Variants in SPAG16 observed in about 807,000 individuals in gnomAD.
SPAG16 encodes sperm associated antigen 16.
In SPAG16, 86 loss-of-function variants were observed where a neutral mutation model predicts 80.4. That is an observed-to-expected ratio of 1.07 (90% CI 0.90 to 1.28). The LOEUF (loss-of-function observed/expected upper bound fraction) is 1.28, where lower values mean the gene tolerates loss of function less well. Ranked by LOEUF, SPAG16 falls within the 50% of genes most tolerant of loss-of-function variation. The pLI, the probability that SPAG16 is intolerant of heterozygous loss-of-function variation, is 0.00. For synonymous variants in SPAG16, 294 were observed against 265.9 expected (o/e 1.11, Z -1.03); for missense variants, 870 against 765.3 (o/e 1.14, Z -1.61).
At chr2:214,104,884 C>T (rs11885590) in intron 13 of SPAG16, among the ~76,000 whole-genome samples, 13,300 of 152,008 alleles carry the variant, frequency 0.087, 765 homozygotes, top group East Asian at 0.29. Context: ...TCACTGCCCA[C>T]TACCACTGTG....
intron 10 of SPAG16, among the ~76,000 whole-genome samples, chr2:213,545,565 T>C (rs2076584865): frequency 6.6e-6 from 1 of 151,772 alleles, no homozygotes; most frequent in Non-Finnish European, 1.5e-5. Context: ...TTTTCTGTTA[T>C]GCTATCTTCT....
chr2:214,286,406 T>C (rs1342867941), intron 15 of SPAG16, among the ~76,000 whole-genome samples: 2 of 152,154 alleles, frequency 1.3e-5, no homozygotes, highest in Non-Finnish European at 2.9e-5. Flanking sequence ...CCAAAATCCA[T>C]GTAAAACCCC....
chr2:214,328,369 G>T (rs1401205619), intron 15 of SPAG16, among the ~76,000 whole-genome samples: 2 of 152,040 alleles, frequency 1.3e-5, no homozygotes, highest in Non-Finnish European at 2.9e-5. Context: ...CGCTCTGTTG[G>T]CCAGGTCGGT....
At chr2:214,285,479 C>A (rs76032512) in intron 15 of SPAG16, among the ~76,000 whole-genome samples, 3,069 of 152,092 alleles carry the variant, frequency 0.02, 112 homozygotes, top group African/African-American at 0.07. Context: ...AGATGAAAAA[C>A]TAACGAAACC....
At chr2:214,057,444 C>T (rs955988844) in intron 13 of SPAG16, among the ~76,000 whole-genome samples, 4 of 151,996 alleles carry the variant, frequency 2.6e-5, no homozygotes, top group Non-Finnish European at 4.4e-5. Context: ...TAGGTCTTAA[C>T]GGTGGGCTTA....
chr2:214,348,871 C>A (rs1390328281), intron 15 of SPAG16, among the ~76,000 whole-genome samples: 2 of 152,164 alleles, frequency 1.3e-5, no homozygotes, highest in African/African-American at 4.8e-5. Flanking sequence ...CAGTTTGTTA[C>A]ACAGTGATAC....
intron 9 of SPAG16, among the ~76,000 whole-genome samples, chr2:213,428,309 T>C (rs114756201): frequency 0.015 from 2,215 of 152,200 alleles, 24 homozygotes; most frequent in South Asian, 0.038. Context: ...TGTGAGAGAA[T>C]ACCTTGCCCT....
chr2:213,285,821 A>G, intron 1 of SPAG16: 1 of 1,031,150 alleles, frequency 9.7e-7, no homozygotes, highest in Non-Finnish European at 1.3e-6. Context: ...GTTTTCGTAG[A>G]TGTAACAGGC....
intron 11 of SPAG16, among the ~76,000 whole-genome samples, chr2:213,913,648 C>T: frequency 4.9e-5 from 1 of 20,448 alleles, no homozygotes; most frequent in Non-Finnish European, 1.7e-4. Flanking sequence ...TGTATATGTA[C>T]ATGTACATAT....
chr2:213,793,222 G>A (rs952337529), intron 10 of SPAG16, among the ~76,000 whole-genome samples: 6 of 151,618 alleles, frequency 4.0e-5, no homozygotes, highest in South Asian at 2.1e-4. Context: ...GCCACCGCGC[G>A]GCCTTATCTA....
chr2:214,148,775 G>GTA (rs2055797597), intron 14 of SPAG16, among the ~76,000 whole-genome samples: 1 of 151,810 alleles, frequency 6.6e-6, no homozygotes, highest in African/African-American at 2.4e-5. Context: ...TATGATATAT[G>GTA]TATATATATG....
At chr2:213,742,320 A>C (rs2067591656) in intron 10 of SPAG16, among the ~76,000 whole-genome samples, 1 of 152,162 alleles carries the variant, frequency 6.6e-6, no homozygotes. Context: ...CAAGAATACA[A>C]GGACATTAGT....
intron 13 of SPAG16, among the ~76,000 whole-genome samples, chr2:214,074,437 G>A (rs958420354): frequency 6.6e-6 from 1 of 152,108 alleles, no homozygotes; most frequent in Non-Finnish European, 1.5e-5. Context: ...AAAGTGAAGT[G>A]CAAAGCAATA....
At chr2:213,540,484 TACC>T (rs2076408585) in intron 10 of SPAG16, among the ~76,000 whole-genome samples, 1 of 152,212 alleles carries the variant, frequency 6.6e-6, no homozygotes, top group African/African-American at 2.4e-5. Flanking sequence ...TAAATGTAAA[TACC>T]TTTATATAAA....
At chr2:214,310,931 C>T (rs1398112109) in intron 15 of SPAG16, among the ~76,000 whole-genome samples, 3 of 152,074 alleles carry the variant, frequency 2.0e-5, no homozygotes, top group African/African-American at 7.2e-5. Context: ...AAATTAGCCC[C>T]GTTCTATGTA....
At chr2:213,987,403 TA>T (rs977518859) in intron 12 of SPAG16, among the ~76,000 whole-genome samples, 2 of 152,092 alleles carry the variant, frequency 1.3e-5, no homozygotes, top group African/African-American at 2.4e-5. Context: ...AGATCTTGTT[TA>T]ATGGTCCATG....
At chr2:214,238,823 G>T (rs1345741575) in intron 15 of SPAG16, 2 of 151,844 alleles carry the variant, frequency 1.3e-5, no homozygotes, top group African/African-American at 4.8e-5. Context: ...ACTACAACAA[G>T]CTTATCTGCA....
chr2:214,379,436 CTT>C (rs1425305012), intron 15 of SPAG16, among the ~76,000 whole-genome samples: 1 of 152,206 alleles, frequency 6.6e-6, no homozygotes, highest in Non-Finnish European at 1.5e-5. Context: ...AGCCCATGCT[CTT>C]CCTTTTGTAT....
At chr2:214,053,413 G>A (rs1244935233) in intron 13 of SPAG16, among the ~76,000 whole-genome samples, 5 of 152,212 alleles carry the variant, frequency 3.3e-5, no homozygotes, top group Non-Finnish European at 7.3e-5. Flanking sequence ...GGGTATGACT[G>A]TGTGCTTAGT....
Sources: allele counts gnomAD v4.1 joint callset (sites outside exome capture counted in the v4.1 genomes callset), GRCh38; gene constraint gnomAD v4.1.1; transcripts MANE v1.5; gene names NCBI Gene and HGNC (gene_info 2026-07-23, HGNC 2026-07-21).